The following SLC9C1 variants were observed in gnomAD, a reference collection of about 807,000 sequenced individuals.
The protein encoded by SLC9C1 is solute carrier family 9 member C1.
SLC9C1 carries 97 observed loss-of-function variants against 140.9 expected under a neutral mutation model. The observed-to-expected ratio is 0.69, with a 90% CI of 0.58 to 0.82. The LOEUF (loss-of-function observed/expected upper bound fraction) is 0.82. Ranked by LOEUF, SLC9C1 falls within the 40% of genes least tolerant of loss-of-function variation. SLC9C1 has a pLI of 0.00. For synonymous variants in SLC9C1, 440 were observed against 442.6 expected, an observed-to-expected ratio of 0.99 and a Z score of 0.07; for missense variants, 1,340 against 1,389.3, an observed-to-expected ratio of 0.96 and a Z score of 0.56.
chr3:112,253,860 C>T (rs1261982566), intron 10 of SLC9C1, among the ~76,000 whole-genome samples: 1 of 152,072 alleles, frequency 6.6e-6, no homozygotes, highest in African/African-American at 2.4e-5. Context: ...CAAAACCAAT[C>T]CGAGGAAGCT....
chr3:112,246,914 C>T (rs6763462), intron 10 of SLC9C1, among the ~76,000 whole-genome samples: 44,906 of 151,990 alleles, frequency 0.3, 6,824 homozygotes, highest in East Asian at 0.36. Context: ...AGAGGCAGCA[C>T]CAAGGTTGTT....
At chr3:112,234,226 T>C (rs2078917038) in intron 12 of SLC9C1, among the ~76,000 whole-genome samples, 1 of 152,246 alleles carries the variant, frequency 6.6e-6, no homozygotes, top group African/African-American at 2.4e-5. Context: ...ATTTCTCTGA[T>C]GACCAGTAAT....
chr3:112,160,332 C>T (rs1488347846), intron 26 of SLC9C1, among the ~76,000 whole-genome samples: 1 of 151,210 alleles, frequency 6.6e-6, no homozygotes, highest in Non-Finnish European at 1.5e-5. Flanking sequence ...AGGTTAGTTA[C>T]ATATGTGTAC....
At position 112,263,109 on chromosome 3, in the gene SLC9C1, A is replaced by G. The variant is rs1333241994; in HGVS notation, c.1023-11T>C. ...AGAAGGGTCAGAAATCTAAAAGACA[A>G]AACAATTTTTACAAAGTTATTCTTT... On this transcript the variant is annotated splice_polypyrimidine_tract_variant and intron_variant, in intron 9 of 28. Coordinates refer to ENST00000305815, the MANE Select transcript of SLC9C1 (RefSeq NM_183061.3). 5 of 1,556,078 alleles carry G rather than the reference A, an allele frequency of 3.2e-6. No homozygotes were observed. In the Admixed American group the frequency reaches 8.5e-5, roughly 26 times the overall value.
intron 15 of SLC9C1, among the ~76,000 whole-genome samples, chr3:112,212,895 A>T (rs1018410052): frequency 1.5e-4 from 23 of 152,186 alleles, no homozygotes; most frequent in Non-Finnish European, 3.1e-4. Flanking sequence ...ACCCCAAGAC[A>T]CATAATTGTC....
chr3:112,141,359 G>T, intron 28 of SLC9C1, 78 bp from the exon 29 acceptor site: 2 of 1,475,060 alleles, frequency 1.4e-6, no homozygotes, highest in East Asian at 2.5e-5. Context: ...CCCAGAATAG[G>T]ATGTACTAGA....
In SLC9C1 at chr3:112,281,472, G is replaced by A. The variant is rs145048516; in HGVS notation, c.89-689C>T. ...TGCAGGTATGTGATCCTGGAGGAGC[G>A]GGAGTCAAATAGGATACACCGATTT... On this transcript the variant is annotated intron_variant, in intron 2 of 28. Transcript: ENST00000305815. Among the ~76,000 whole-genome samples the A allele has an allele frequency of 1.7e-3, 256 of 152,232 alleles. 1 individual carries two copies. The highest frequency in any genetic ancestry group is 5.9e-3 in the African/African-American group (244 of 41,536).
At chr3:112,164,800 G>A (rs62277465) in intron 26 of SLC9C1, among the ~76,000 whole-genome samples, 6 of 151,886 alleles carry the variant, frequency 4.0e-5, no homozygotes, top group Admixed American at 2.0e-4. Flanking sequence ...TCTGTATTTC[G>A]TGAATTTGAA....
At position 112,167,244 on chromosome 3, in the gene SLC9C1, C is replaced by T; in HGVS notation, c.3341G>A (p.Ser1114Asn). Residue 1114 changes from serine to asparagine, a missense_variant, in exon 26 of 29, where the codon AGT (serine) becomes AAT (asparagine). Physicochemically the swap from Ser to Asn is conservative, Grantham distance 46 (BLOSUM62 1). Transcript: ENST00000305815. ...ACCTATTAATCCTGGTGTAAGATAA[C>T]TTTTATGTTTAGGAACAAACTTTCT... Reference protein sequence around the residue: ...NIRKFVPKHKSYLTPGLIGSV... With the variant: ...NIRKFVPKHKNYLTPGLIGSV... 1 of 1,608,718 alleles carries T rather than the reference C, an allele frequency of 6.2e-7. No individual in the cohort carries two copies. Among genetic ancestry groups the T allele is most frequent in the Non-Finnish European group, 8.5e-7 (1 of 1,177,950 alleles).
chr3:112,204,208 G>T lies in SLC9C1; in HGVS notation c.2172+10C>A. On this transcript the variant is annotated intron_variant, in intron 17 of 28. Transcript: ENST00000305815. ...GGAATTAGAAATTGCACGATTTACT[G>T]GTTCTTTACCTTGAAAATGCGTAGT... The T allele has an allele frequency of 6.8e-7, 1 of 1,463,090 alleles. No individual in the cohort carries two copies. The highest frequency in any genetic ancestry group is 9.0e-7 in the Non-Finnish European group (1 of 1,111,608). 90.6% of individuals were successfully genotyped at this position (1,463,090 alleles called of 1,614,324 possible).
At chr3:112,174,686 A>T (rs544974857) in intron 23 of SLC9C1, among the ~76,000 whole-genome samples, 2 of 152,310 alleles carry the variant, frequency 1.3e-5, no homozygotes, top group East Asian at 3.9e-4. Flanking sequence ...AGGTGCCAGC[A>T]TAATGACTAG....
At chr3:112,218,717 G>A (rs1396723242) in intron 14 of SLC9C1, among the ~76,000 whole-genome samples, 1 of 152,174 alleles carries the variant, frequency 6.6e-6, no homozygotes, top group Non-Finnish European at 1.5e-5. Context: ...AACGTGGTAA[G>A]TGTTGCCACA....
At chr3:112,152,753 C>A (rs1698116062) in intron 27 of SLC9C1, among the ~76,000 whole-genome samples, 1 of 152,158 alleles carries the variant, frequency 6.6e-6, no homozygotes, top group African/African-American at 2.4e-5. Context: ...ATGGCGATGA[C>A]TTTTACCAAG....
intron 25 of SLC9C1, 78 bp downstream of exon 25, chr3:112,168,799 G>A (rs1219528121): frequency 2.3e-6 from 3 of 1,294,792 alleles, no homozygotes; most frequent in Non-Finnish European, 3.2e-6. Context: ...TAAGATTATA[G>A]TGACAGTTTT....
intron 1 of SLC9C1, among the ~76,000 whole-genome samples, chr3:112,292,059 C>T (rs2080699882): frequency 6.6e-6 from 1 of 152,100 alleles, no homozygotes; most frequent in Non-Finnish European, 1.5e-5. Flanking sequence ...TAAGTGGAAG[C>T]TAAATATTCA....
In SLC9C1 at chr3:112,141,011, GACTAAAATTT is replaced by G. The variant is rs2074605561; in HGVS notation, c.*251_*260del. The G allele has an allele frequency of 2.8e-6, 1 of 356,134 alleles. No individual in the cohort carries two copies. Among genetic ancestry groups the G allele is most frequent in the Non-Finnish European group, 5.2e-6 (1 of 194,092 alleles). 22.1% of individuals were successfully genotyped at this position (356,134 alleles called of 1,614,324 possible). A position where few individuals can be genotyped will look rare whatever the true frequency, so the allele number is the denominator to read the frequency against. On this transcript the variant is annotated 3_prime_UTR_variant, in exon 29 of 29. Coordinates refer to ENST00000305815, the MANE Select transcript of SLC9C1 (RefSeq NM_183061.3). ...CTATAAACTTATTTTCTGGCTTTAA[GACTAAAATTT>G]ACTCTAAGATTTTCTAAAATGTTTT... is the stretch of plus-strand genomic sequence containing the variant.
intron 13 of SLC9C1, among the ~76,000 whole-genome samples, chr3:112,224,046 C>A (rs544987293): frequency 6.6e-6 from 1 of 152,324 alleles, no homozygotes; most frequent in South Asian, 2.1e-4. Context: ...GAGATGCTGG[C>A]TGACCAGCCC....
chr3:112,204,168 A>C (rs781508839), intron 17 of SLC9C1, 50 bp downstream of exon 17: 1 of 1,387,330 alleles, frequency 7.2e-7, no homozygotes, highest in South Asian at 1.9e-5. Flanking sequence ...TCTATGTTTT[A>C]TGAAACAATC....
At chr3:112,264,646 G>A (rs1359022745) in intron 8 of SLC9C1, among the ~76,000 whole-genome samples, 1 of 151,868 alleles carries the variant, frequency 6.6e-6, no homozygotes, top group Admixed American at 6.6e-5. Context: ...GTACTAGAGG[G>A]CATATAGTGA....
Sources: gnomAD v4.1 joint callset for allele counts (sites outside exome capture counted in the v4.1 genomes callset) on GRCh38, gnomAD v4.1.1 for gene constraint, MANE v1.5 for transcripts, NCBI Gene and HGNC (gene_info 2026-07-23, HGNC 2026-07-21) for gene names.